Variants in SFI1 observed in about 807,000 individuals in gnomAD.
SFI1 encodes protein SFI1 homolog.
A neutral mutation model predicts 207.5 loss-of-function variants in SFI1; 195 were observed. The observed-to-expected ratio is 0.94, with a 90% CI of 0.84 to 1.06. The LOEUF is 1.06. SFI1 is among the 50% of genes least tolerant of loss of function. The pLI is 0.00. For synonymous variants in SFI1, 630 were observed against 598.9 expected, an observed-to-expected ratio of 1.05 and a Z score of -0.76; for missense variants, 1,634 against 1,588.0, an observed-to-expected ratio of 1.03 and a Z score of -0.49.
intron 16 of SFI1, 67 bp from the exon 17 acceptor site, chr22:31,602,540 C>G (rs777508561): frequency 1.3e-5 from 20 of 1,559,712 alleles, no homozygotes; most frequent in Non-Finnish European, 1.8e-5. Context: ...CCTGTAAATT[C>G]TTTCCTGGCT....
At chr22:31,597,870 G>T (rs931520120) in intron 15 of SFI1, among the ~76,000 whole-genome samples, 1 of 152,128 alleles carries the variant, frequency 6.6e-6, no homozygotes, top group Non-Finnish European at 1.5e-5. Context: ...ACCCTCCAGT[G>T]AAAGGTACTG....
At chr22:31,520,535 TACTC>T (rs1373341263) in intron 2 of SFI1, among the ~76,000 whole-genome samples, 4 of 152,206 alleles carry the variant, frequency 2.6e-5, no homozygotes, top group East Asian at 1.9e-4. Context: ...GCTTTTCTAA[TACTC>T]ACGGAGGGTT....
rs754656277 is a variant in SFI1, at chr22:31,578,468, C to T, written c.1155+16C>T. On this transcript the variant is annotated intron_variant, in intron 11 of 32. Coordinates refer to ENST00000400288, the MANE Select transcript of SFI1 (RefSeq NM_001007467.3). ...CAGCCAGCTGGTAAGAGCCCTGCAT[C>T]CTGGCACGGGTCCGCTTGGCAGCCT... is the stretch of plus-strand genomic sequence containing the variant. 58 of 1,611,180 alleles carry T rather than the reference C, an allele frequency of 3.6e-5. No homozygotes were observed. The highest frequency in any genetic ancestry group is 4.8e-5 in the Non-Finnish European group (56 of 1,178,416).
At position 31,561,288 on chromosome 22, in the gene SFI1, A is replaced by G. The variant is rs371314087; in HGVS notation, c.663-2A>G. The G allele has an allele frequency of 3.7e-6, 6 of 1,612,636 alleles. No homozygotes were observed. In the African/African-American group the frequency reaches 8.0e-5, roughly 22 times the overall value. ...TTCCATCTTTGATTTGCTGTTTCAC[A>G]GGGTGTGGTGGAGCACGTGGAGGCA... On this transcript the variant is annotated splice_acceptor_variant, in intron 7 of 32. Coordinates refer to ENST00000400288, the MANE Select transcript of SFI1 (RefSeq NM_001007467.3). LOFTEE classifies it high-confidence loss of function.
rs188454827 is a variant in SFI1 at position 31,579,880 on chromosome 22, G to A, written c.1156-392G>A. Among the ~76,000 whole-genome samples, 500 of 152,274 alleles carry A rather than the reference G, an allele frequency of 3.3e-3. 3 individuals carry two copies. Among genetic ancestry groups the A allele is most frequent in the African/African-American group, 0.012 (480 of 41,550 alleles). Reference sequence around the variant, plus strand: ...ATAATCATACAAATGTATGCACTGAGCCCACATGGTAAAAAAACAAAAACC... The same window carrying A: ...ATAATCATACAAATGTATGCACTGAACCCACATGGTAAAAAAACAAAAACC... On this transcript the variant is annotated intron_variant, in intron 11 of 32. Coordinates refer to ENST00000400288, the MANE Select transcript of SFI1 (RefSeq NM_001007467.3).
intron 6 of SFI1, among the ~76,000 whole-genome samples, chr22:31,552,033 C>T (rs1307622077): frequency 6.6e-6 from 1 of 152,188 alleles, no homozygotes. Context: ...TCCACCCTCC[C>T]TTCCCCTCGT....
intron 1 of SFI1, among the ~76,000 whole-genome samples, chr22:31,500,797 T>C (rs1458708865): frequency 2.2e-5 from 1 of 45,874 alleles, no homozygotes; most frequent in Non-Finnish European, 4.7e-5. Flanking sequence ...TGTTTTGTTT[T>C]TGTTTTTTGT....
chr22:31,612,398 A>AAATAT (rs1556369798), intron 24 of SFI1: 1 of 60,202 alleles, frequency 1.7e-5, no homozygotes, highest in African/African-American at 6.6e-5. Flanking sequence ...AAAAAAAAAA[A>AAATAT]ATATATATAT....
At chr22:31,580,625 C>T (rs1389501541) in intron 12 of SFI1, among the ~76,000 whole-genome samples, 4 of 150,212 alleles carry the variant, frequency 2.7e-5, no homozygotes, top group African/African-American at 9.8e-5. Context: ...TCACTGCAAC[C>T]TCCGCCTCCC....
At chr22:31,585,287 G>T (rs2064882675) in intron 14 of SFI1, among the ~76,000 whole-genome samples, 153 bp downstream of exon 14, 1 of 152,212 alleles carries the variant, frequency 6.6e-6, no homozygotes, top group Non-Finnish European at 1.5e-5. Flanking sequence ...ATTTCTTCCA[G>T]TTCCCACCTC....
Position 31,607,993 on chromosome 22 carries a change from G to A in SFI1, c.2214G>A (p.Glu738=). The stretch of plus-strand genomic sequence containing the variant: ...TGCAGATGTATTACCGACAGCAGGA[G>A]GACTGTGCCATCTGGGAGGCCCAGA... ...VSVQMYYRQQ[E]DCAIWEAQKV... Residue 738 remains glutamate, a synonymous_variant, in exon 22 of 33, where the codon GAG becomes GAA. Transcript: ENST00000400288. 6.2e-7 allele frequency: 1 copy of A among 1,613,970 alleles called. No homozygotes were observed. The highest frequency in any genetic ancestry group is 8.5e-7 in the Non-Finnish European group (1 of 1,179,892).
intron 29 of SFI1, 66 bp from the exon 30 acceptor site, chr22:31,616,679 T>TG: frequency 4.0e-6 from 6 of 1,490,036 alleles, no homozygotes; most frequent in Non-Finnish European, 5.4e-6. Context: ...GACAAGGACT[T>TG]GGTGTCCCCC....
At chr22:31,612,960 G>T in intron 24 of SFI1, 182 bp from the exon 25 acceptor site, 1 of 613,960 alleles carries the variant, frequency 1.6e-6, no homozygotes. Flanking sequence ...CATTCCTCAG[G>T]CCACAGATGG....
In SFI1 at chr22:31,617,077, T is replaced by C; in HGVS notation, c.3511T>C (p.Trp1171Arg). The C allele has an allele frequency of 6.2e-7, 1 of 1,612,136 alleles. No homozygotes were observed. The highest frequency in any genetic ancestry group is 1.1e-5 in the South Asian group (1 of 91,044). The part of the protein sequence containing the change: ...LHYQTTKQNL[W>R]SCRRQASSLR... ...CTACCAGACCACCAAGCAGAACCTC[T>C]GGTGAGCCCTGCGAAACGCCCTGCA... Residue 1171 changes from tryptophan to arginine, a missense_variant and splice_region_variant, in exon 31 of 33, where the codon TGG becomes CGG. Trp to Arg is a moderately radical substitution (Grantham distance 101). Coordinates refer to ENST00000400288, the MANE Select transcript of SFI1 (RefSeq NM_001007467.3).
chr22:31,583,285 G>T (rs999627905), intron 12 of SFI1, among the ~76,000 whole-genome samples: 2 of 152,040 alleles, frequency 1.3e-5, no homozygotes, highest in African/African-American at 4.8e-5. Context: ...GGCTAATTTT[G>T]TATTTTTAGT....
At chr22:31,616,503 GTGGTGACACGGGGTGCTCCC>G (rs2071484775) in intron 29 of SFI1, 7 of 443,046 alleles carry the variant, frequency 1.6e-5, no homozygotes, top group Non-Finnish European at 2.8e-5. Flanking sequence ...GAGGCGGACT[GTGGTGACACGGGGTGCTCCC>G]TGGTTGCTTG....
chr22:31,613,827 G>A lies in SFI1; in HGVS notation c.2968G>A (p.Ala990Thr), dbSNP rs368613187. The change falls in exon 27 of 33, where the codon GCT (alanine) becomes ACT (threonine). Residue 990 changes from alanine to threonine, a missense_variant. Ala to Thr is a moderately conservative substitution (Grantham distance 58). Coordinates refer to ENST00000400288, the MANE Select transcript of SFI1 (RefSeq NM_001007467.3). ...SRPLGALGRLAAEEPHALELN... is the reference protein window; with the variant it reads ...SRPLGALGRLTAEEPHALELN... ...GCCTCTGGGAGCTCTGGGCCGCCTGGCTGCTGAGGAGCCCCACGCCCTGGA... is the reference window on the plus strand; with the variant it reads ...GCCTCTGGGAGCTCTGGGCCGCCTGACTGCTGAGGAGCCCCACGCCCTGGA... The A allele has an allele frequency of 3.1e-6, 5 of 1,609,050 alleles. No homozygotes were observed. The highest frequency in any genetic ancestry group is 4.2e-6 in the Non-Finnish European group (5 of 1,178,074).
intron 4 of SFI1, among the ~76,000 whole-genome samples, chr22:31,539,947 T>A (rs1602358045): frequency 6.6e-6 from 1 of 151,944 alleles, no homozygotes; most frequent in South Asian, 2.1e-4. Context: ...AACTCCTGAC[T>A]TCAGGTGATC....
intron 15 of SFI1, among the ~76,000 whole-genome samples, chr22:31,591,781 C>A (rs1417988574): frequency 3.1e-5 from 2 of 63,840 alleles, no homozygotes; most frequent in Admixed American, 1.4e-4. Flanking sequence ...GGGGGCTGAC[C>A]CCCCCCACCT....
Sources: gnomAD v4.1 joint callset for allele counts (sites outside exome capture counted in the v4.1 genomes callset) on GRCh38, gnomAD v4.1.1 for gene constraint, MANE v1.5 for transcripts, NCBI Gene and HGNC (gene_info 2026-07-23, HGNC 2026-07-21) for gene names.